Variants in LYPD6B observed in about 807,000 individuals in gnomAD.
LYPD6B encodes the protein LY6/PLAUR domain containing 6B.
Under a neutral mutation model 22.8 loss-of-function variants are expected in LYPD6B, and 17 were observed. The observed-to-expected ratio is 0.75, with a 90% confidence interval of 0.51 to 1.12. LYPD6B has a LOEUF of 1.12. Among genes scored for constraint, LYPD6B ranks in the 50% most tolerant of loss-of-function variants. The pLI is 0.00. For missense variants in LYPD6B, 221 were observed against 258.3 expected (o/e 0.86, Z 0.99); for synonymous variants, 106 against 91.6 (o/e 1.16, Z -0.90).
At chr2:149,130,464 A>G (rs1270951521) in intron 1 of LYPD6B, among the ~76,000 whole-genome samples, 1 of 152,172 alleles carries the variant, frequency 6.6e-6, no homozygotes, top group African/African-American at 2.4e-5. Context: ...GGTACCTGAC[A>G]AATTCTGTTT....
chr2:149,174,855 A>G (rs949583122), intron 3 of LYPD6B, among the ~76,000 whole-genome samples: 2 of 151,838 alleles, frequency 1.3e-5, no homozygotes, highest in African/African-American at 4.8e-5. Flanking sequence ...TTATGAATGG[A>G]TGATCTGTGC....
At chr2:149,080,347 A>G (rs1337245763) in intron 1 of LYPD6B, among the ~76,000 whole-genome samples, 1 of 152,186 alleles carries the variant, frequency 6.6e-6, no homozygotes, top group Admixed American at 6.5e-5. Flanking sequence ...GTATGACCTC[A>G]TTTAACTAAT....
intron 2 of LYPD6B, among the ~76,000 whole-genome samples, chr2:149,158,942 AT>A (rs1373842571): frequency 6.6e-6 from 1 of 152,222 alleles, no homozygotes; most frequent in African/African-American, 2.4e-5. Context: ...CCAACTTTTT[AT>A]TGGAAGAAAT....
rs1318447871 is a variant in LYPD6B at position 149,123,916 on chromosome 2, C to T, written c.-66-6967C>T. On this transcript the variant is annotated intron_variant, in intron 1 of 6. Coordinates refer to ENST00000409642, the MANE Select transcript of LYPD6B (RefSeq NM_177964.5). ...GCTGTAAAAGACCACAGTTCTTCAC[C>T]GCAAGAATTCGTGAAGTTTTGGATG... Among the ~76,000 whole-genome samples the T allele has an allele frequency of 3.3e-5, 5 of 152,106 alleles. No homozygotes were observed. In the South Asian group the frequency reaches 6.2e-4, roughly 19 times the overall value.
chr2:149,083,848 G>C (rs1470027251), intron 1 of LYPD6B, among the ~76,000 whole-genome samples: 2 of 152,050 alleles, frequency 1.3e-5, no homozygotes, highest in Non-Finnish European at 2.9e-5. Flanking sequence ...AGGCCAAGGA[G>C]GGTGGATCAC....
chr2:149,139,015 A>G (rs1244229228), intron 2 of LYPD6B, among the ~76,000 whole-genome samples: 13 of 152,372 alleles, frequency 8.5e-5, no homozygotes, highest in Non-Finnish European at 1.8e-4. Context: ...GTTCAGAACC[A>G]AATGTAAATC....
At chr2:149,154,021 G>T in intron 2 of LYPD6B, 1 of 957,926 alleles carries the variant, frequency 1.0e-6, no homozygotes, top group Non-Finnish European at 1.2e-6. Context: ...GGAGGATGGT[G>T]ATTCTAATAA....
chr2:149,063,380 T>C lies in LYPD6B; in HGVS notation c.-67+24579T>C, dbSNP rs907450062. 2.0e-5 allele frequency among the ~76,000 whole-genome samples: 3 copies of C among 152,200 alleles called. No homozygotes were observed. In the South Asian group the frequency reaches 6.2e-4, roughly 32 times the overall value. ...TGATGACTCAGCTACCATATACTTATATACCCTACAATTACATCGTCAAAG... is the reference window on the plus strand; with the variant it reads ...TGATGACTCAGCTACCATATACTTACATACCCTACAATTACATCGTCAAAG... On this transcript the variant is annotated intron_variant, in intron 1 of 6. Transcript: ENST00000409642.
chr2:149,082,996 C>T (rs907023700), intron 1 of LYPD6B, among the ~76,000 whole-genome samples: 5 of 152,172 alleles, frequency 3.3e-5, no homozygotes, highest in African/African-American at 4.8e-5. Flanking sequence ...AAACCTGATG[C>T]CAGCATGGAG....
chr2:149,095,667 A>T (rs903041721), intron 1 of LYPD6B, among the ~76,000 whole-genome samples: 1 of 152,128 alleles, frequency 6.6e-6, no homozygotes, highest in Non-Finnish European at 1.5e-5. Flanking sequence ...GGAGCAAGAG[A>T]TCTCAAGTAA....
At chr2:149,152,678 A>C (rs568093089) in intron 2 of LYPD6B, among the ~76,000 whole-genome samples, 1 of 152,308 alleles carries the variant, frequency 6.6e-6, no homozygotes, top group East Asian at 1.9e-4. Context: ...AGTCATTGCC[A>C]TGGTAATTGT....
intron 3 of LYPD6B, among the ~76,000 whole-genome samples, chr2:149,191,925 A>G (rs1692520187): frequency 6.6e-6 from 1 of 152,212 alleles, no homozygotes. Context: ...AGCAAAGGAA[A>G]AAGGACACTG....
At chr2:149,158,742 T>A (rs1040108409) in intron 2 of LYPD6B, among the ~76,000 whole-genome samples, 2 of 152,236 alleles carry the variant, frequency 1.3e-5, no homozygotes, top group African/African-American at 2.4e-5. Flanking sequence ...AGAAAGCATA[T>A]TTGAGACTTA....
intron 1 of LYPD6B, among the ~76,000 whole-genome samples, chr2:149,095,737 G>A (rs1179695314): frequency 6.6e-6 from 1 of 151,944 alleles, no homozygotes; most frequent in Non-Finnish European, 1.5e-5. Flanking sequence ...CAGGGAGGGT[G>A]TTGGAAGGAG....
chr2:149,205,636 T>TA (rs1026069951), intron 4 of LYPD6B, among the ~76,000 whole-genome samples: 25 of 152,232 alleles, frequency 1.6e-4, no homozygotes, highest in African/African-American at 5.1e-4. Context: ...ATTCTTGTTT[T>TA]AAAAAAAACT....
intron 2 of LYPD6B, among the ~76,000 whole-genome samples, chr2:149,157,321 C>G (rs1011265612): frequency 1.9e-5 from 2 of 102,606 alleles, no homozygotes; most frequent in African/African-American, 5.3e-5. Flanking sequence ...AGAAGTCAGT[C>G]TAAAAACACA....
At chr2:149,068,960 G>A (rs917169871) in intron 1 of LYPD6B, 7 of 245,764 alleles carry the variant, frequency 2.8e-5, no homozygotes, top group African/African-American at 6.8e-5. Flanking sequence ...TATCTCGTCC[G>A]TCTCTTGTTC....
chr2:149,139,149 G>A (rs916718090), intron 2 of LYPD6B, among the ~76,000 whole-genome samples: 1 of 152,186 alleles, frequency 6.6e-6, no homozygotes, highest in Non-Finnish European at 1.5e-5. Context: ...AAGGTGGTTC[G>A]AGTTCCAACT....
intron 5 of LYPD6B, among the ~76,000 whole-genome samples, chr2:149,211,764 A>G (rs1281376436): frequency 6.6e-6 from 1 of 152,166 alleles, no homozygotes; most frequent in Non-Finnish European, 1.5e-5. Flanking sequence ...TTGCTGTTGT[A>G]GTCTCTGATC....
Sources: gnomAD v4.1 joint callset for allele counts (sites outside exome capture counted in the v4.1 genomes callset) on GRCh38, gnomAD v4.1.1 for gene constraint, MANE v1.5 for transcripts, NCBI Gene and HGNC (gene_info 2026-07-23, HGNC 2026-07-21) for gene names.